The following HMCN1 variants were observed in gnomAD, a reference collection of about 807,000 sequenced individuals.
The protein encoded by HMCN1 is hemicentin 1.
HMCN1 carries 321 observed loss-of-function variants against 625.9 expected under a neutral mutation model. The ratio of observed to expected loss-of-function variants is 0.51; its 90% CI spans 0.47 to 0.56. The LOEUF (loss-of-function observed/expected upper bound fraction) is 0.56. HMCN1 is among the 20% of genes least tolerant of loss of function. The pLI is 0.00. For missense variants in HMCN1, 6,588 were observed against 6,887.3 expected (o/e 0.96, Z 1.54); for synonymous variants, 2,425 against 2,417.6 (o/e 1.00, Z -0.09).
intron 4 of HMCN1, among the ~76,000 whole-genome samples, chr1:185,888,682 A>G (rs1407144588): frequency 2.7e-5 from 4 of 147,420 alleles, no homozygotes; most frequent in Admixed American, 6.6e-5. Context: ...CTGTTTTGGT[A>G]CCAGTACCAT....
Position 186,007,200 on chromosome 1 carries a change from G to A in HMCN1, c.4548G>A (p.Arg1516=), listed in dbSNP as rs757220995. Residue 1516 remains arginine, a synonymous_variant, in exon 30 of 107, where the codon CGG becomes CGA. Coordinates refer to ENST00000271588, the MANE Select transcript of HMCN1 (RefSeq NM_031935.3). ...RGQVLHLKNA[R]RNDKGRYQCT... ...AAGTCTTACATTTAAAGAATGCACGGAGAAATGACAAGGGGCGCTACCAAT... is the reference window on the plus strand; with the variant it reads ...AAGTCTTACATTTAAAGAATGCACGAAGAAATGACAAGGGGCGCTACCAAT... The A allele has an allele frequency of 3.7e-6, 6 of 1,613,290 alleles. No individual in the cohort carries two copies. In the African/African-American group the frequency reaches 5.3e-5, roughly 14 times the overall value.
intron 4 of HMCN1, among the ~76,000 whole-genome samples, chr1:185,893,244 G>T (rs889872915): frequency 2.0e-5 from 3 of 152,326 alleles, no homozygotes; most frequent in Admixed American, 6.5e-5. Context: ...CGGTACATCA[G>T]ATGGAAATGC....
intron 1 of HMCN1, among the ~76,000 whole-genome samples, chr1:185,795,346 A>C (rs969553188): frequency 8.5e-5 from 13 of 152,216 alleles, no homozygotes; most frequent in Admixed American, 3.9e-4. Flanking sequence ...AGTCCTAAAA[A>C]AATAAAGAGT....
chr1:186,103,594 G>A lies in HMCN1; in HGVS notation c.10696G>A (p.Gly3566Ser). The A allele has an allele frequency of 6.2e-7, 1 of 1,613,902 alleles. No individual in the cohort carries two copies. The highest frequency in any genetic ancestry group is 8.5e-7 in the Non-Finnish European group (1 of 1,179,868). ...CCCTAAAATGACCTGGATGAAAGAT[G>A]GCCGGCCCCTTCCACAGACGGATCA... Reference protein sequence around the residue: ...PAPKMTWMKDGRPLPQTDQVQ... With the variant: ...PAPKMTWMKDSRPLPQTDQVQ... Residue 3566 changes from glycine to serine, a missense_variant, in exon 69 of 107, where the codon GGC becomes AGC. Gly to Ser is a moderately conservative substitution (Grantham distance 56). Coordinates refer to ENST00000271588, the MANE Select transcript of HMCN1 (RefSeq NM_031935.3).
intron 11 of HMCN1, among the ~76,000 whole-genome samples, chr1:185,953,381 C>T (rs941707805): frequency 5.3e-5 from 8 of 152,012 alleles, no homozygotes; most frequent in African/African-American, 1.5e-4. Context: ...ATCAGAGAGG[C>T]GTCCCTGCAA....
chr1:185,849,809 G>A (rs1662054608), intron 2 of HMCN1, among the ~76,000 whole-genome samples: 1 of 151,530 alleles, frequency 6.6e-6, no homozygotes, highest in Admixed American at 6.6e-5. Context: ...CTCTGTTACT[G>A]GATTTTTTTT....
At chr1:185,813,193 T>C (rs145147154) in intron 1 of HMCN1, among the ~76,000 whole-genome samples, 299 of 152,302 alleles carry the variant, frequency 2.0e-3, no homozygotes, top group Non-Finnish European at 3.2e-3. Context: ...TATACTTACA[T>C]AACTTTGGTT....
rs550730916 is a variant in HMCN1 at position 186,140,256 on chromosome 1, C to T, written c.13924+2284C>T. Among the ~76,000 whole-genome samples the T allele has an allele frequency of 3.3e-5, 5 of 152,240 alleles. No homozygotes were observed. In the South Asian group the frequency reaches 6.2e-4, roughly 19 times the overall value. The stretch of plus-strand genomic sequence containing the variant: ...TTCCCCCATTCCAAGATCCGATCCA[C>T]GATCACACTTGTACTTATTTGTTGT... On this transcript the variant is annotated intron_variant, in intron 89 of 106. Coordinates refer to ENST00000271588, the MANE Select transcript of HMCN1 (RefSeq NM_031935.3).
chr1:186,045,065 T>A (rs1221277792), intron 40 of HMCN1, among the ~76,000 whole-genome samples: 1 of 152,150 alleles, frequency 6.6e-6, no homozygotes, highest in Middle Eastern at 3.2e-3. Context: ...CAGCTGGTCA[T>A]TGAATTGATT....
chr1:185,923,723 T>C (rs1344628027), intron 8 of HMCN1, 70 bp downstream of exon 8: 2 of 1,247,568 alleles, frequency 1.6e-6, no homozygotes, highest in East Asian at 2.3e-5. Context: ...CATAGGTAAA[T>C]AACGGACTAT....
intron 1 of HMCN1, among the ~76,000 whole-genome samples, chr1:185,840,231 T>C (rs954300236): frequency 7.9e-5 from 12 of 152,190 alleles, no homozygotes; most frequent in African/African-American, 2.4e-4. Context: ...AAAGTAGATA[T>C]AATAATCTGA....
At position 186,016,118 on chromosome 1, in the gene HMCN1, A is replaced by T. The variant is rs141581919; in HGVS notation, c.5070A>T (p.Ile1690=). 2.7e-3 allele frequency: 4,293 copies of T among 1,613,524 alleles called. 7 individuals are homozygous for T. The highest frequency in any genetic ancestry group is 3.2e-3 in the Non-Finnish European group (3,824 of 1,179,602). ...VPVKANDNIR[I]EAGGKKLEIM... ...TGAAAGCTAATGACAATATCCGCAT[A>T]GAAGCTGGTGGGAAGAAACTCGAAA... Residue 1690 remains isoleucine (I), a synonymous_variant, in exon 32 of 107, where the codon ATA becomes ATT. Coordinates refer to ENST00000271588, the MANE Select transcript of HMCN1 (RefSeq NM_031935.3).
At position 186,082,947 on chromosome 1, in the gene HMCN1, A is replaced by T; in HGVS notation, c.8870A>T (p.Asn2957Ile). 1 of 1,586,758 alleles carries T rather than the reference A, an allele frequency of 6.3e-7. No homozygotes were observed. Among genetic ancestry groups the T allele is most frequent in the Non-Finnish European group, 8.6e-7 (1 of 1,162,266 alleles). ...GCTGGGAGTGCCAAAAAATATTTTAACCTCAATGTTCATGGTAAGAGCTCA... is the reference window on the plus strand; with the variant it reads ...GCTGGGAGTGCCAAAAAATATTTTATCCTCAATGTTCATGGTAAGAGCTCA... ...NTAGSAKKYFNLNVHVPPSVI... is the reference protein window; with the variant it reads ...NTAGSAKKYFILNVHVPPSVI... Residue 2957 changes from asparagine to isoleucine, a missense_variant, in exon 57 of 107, where the codon AAC becomes ATC. Coordinates refer to ENST00000271588, the MANE Select transcript of HMCN1 (RefSeq NM_031935.3).
chr1:186,021,817 CA>C (rs1654740585), intron 35 of HMCN1, among the ~76,000 whole-genome samples: 1 of 151,912 alleles, frequency 6.6e-6, no homozygotes, highest in African/African-American at 2.4e-5. Context: ...GAATTTTAAA[CA>C]AATTATTCTG....
At chr1:185,774,546 C>T (rs758141827) in intron 1 of HMCN1, among the ~76,000 whole-genome samples, 21 of 152,192 alleles carry the variant, frequency 1.4e-4, no homozygotes, top group Admixed American at 3.9e-4. Context: ...TGGAGAAGAG[C>T]GGCAGAGGAG....
rs1553298467 is a variant in HMCN1, at chr1:186,112,710, G to T, written c.10990-102G>T. ...AGCAGACAAAGCATGCTGACAGACA[G>T]CAGGTCCACAGTTCACTATACTTAC... On this transcript the variant is annotated intron_variant, in intron 71 of 106. Coordinates refer to ENST00000271588, the MANE Select transcript of HMCN1 (RefSeq NM_031935.3). The T allele has an allele frequency of 5.8e-6, 8 of 1,372,652 alleles. No homozygotes were observed. In the Middle Eastern group the frequency reaches 9.3e-4, roughly 159 times the overall value. The allele number at this position is 1,372,652 out of a possible 1,614,324, so 85.0% of individuals were successfully genotyped here.
At chr1:186,154,044 A>C in intron 97 of HMCN1, 57 bp downstream of exon 97, 1 of 1,409,336 alleles carries the variant, frequency 7.1e-7, no homozygotes, top group South Asian at 1.2e-5. Context: ...AGGGTTAAAA[A>C]AATTCAAAAT....
At chr1:186,104,796 T>C (rs1660537323) in intron 69 of HMCN1, among the ~76,000 whole-genome samples, 1 of 152,206 alleles carries the variant, frequency 6.6e-6, no homozygotes, top group Non-Finnish European at 1.5e-5. Flanking sequence ...TTCCCCTTTT[T>C]TCTCTCCATT....
In HMCN1 at chr1:186,178,659, G is replaced by A. The variant is rs745547522; in HGVS notation, c.16187G>A (p.Ser5396Asn). The A allele has an allele frequency of 6.2e-7, 1 of 1,613,864 alleles. No individual in the cohort carries two copies. The highest frequency in any genetic ancestry group is 1.7e-5 in the Admixed American group (1 of 60,022). ...QHYRQYSHLY[S>N]SYSEYRNSRT... is the part of the protein sequence containing the mutation. ...TACAGACAGTACTCACATCTCTACAGCTCCTACTCAGAGTATAGAAACAGC... is the reference window on the plus strand; with the variant it reads ...TACAGACAGTACTCACATCTCTACAACTCCTACTCAGAGTATAGAAACAGC... The change falls in exon 104 of 107, where the codon AGC (serine) becomes AAC (asparagine). Residue 5396 changes from serine to asparagine, a missense_variant. Coordinates refer to ENST00000271588, the MANE Select transcript of HMCN1 (RefSeq NM_031935.3).
Sources: allele counts gnomAD v4.1 joint callset (sites outside exome capture counted in the v4.1 genomes callset), GRCh38; gene constraint gnomAD v4.1.1; transcripts MANE v1.5; gene names NCBI Gene and HGNC (gene_info 2026-07-23, HGNC 2026-07-21).